The following CCSER1 variants were observed in gnomAD, a reference collection of about 807,000 sequenced individuals.
CCSER1 encodes coiled-coil serine rich protein 1.
Under a neutral mutation model 82.0 loss-of-function variants are expected in CCSER1, and 41 were observed. The ratio of observed to expected loss-of-function variants is 0.50; its 90% CI spans 0.39 to 0.65. The LOEUF (loss-of-function observed/expected upper bound fraction) is 0.65. Among genes scored for constraint, CCSER1 ranks in the 30% least tolerant of loss-of-function variants. CCSER1 has a pLI of 0.00. For synonymous variants in CCSER1, 414 were observed against 383.9 expected (o/e 1.08, Z -0.92); for missense variants, 1,119 against 1,064.2 (o/e 1.05, Z -0.72).
chr4:91,156,794 T>G (rs957023712), intron 10 of CCSER1, among the ~76,000 whole-genome samples: 1 of 151,942 alleles, frequency 6.6e-6, no homozygotes, highest in South Asian at 2.1e-4. Flanking sequence ...GTTTCTTCAC[T>G]TATGCCCTAG....
chr4:90,640,011 C>T (rs958064210), intron 6 of CCSER1, among the ~76,000 whole-genome samples: 20 of 151,780 alleles, frequency 1.3e-4, no homozygotes, highest in African/African-American at 4.8e-4. Context: ...AGGAAGAACA[C>T]TAAGAGCATA....
intron 5 of CCSER1, among the ~76,000 whole-genome samples, chr4:90,593,715 A>C (rs1332372618): frequency 6.6e-6 from 1 of 151,888 alleles, no homozygotes; most frequent in Admixed American, 6.6e-5. Context: ...TTATATTCAT[A>C]TTGCCTTCCT....
intron 5 of CCSER1, among the ~76,000 whole-genome samples, chr4:90,589,052 C>T (rs1489355865): frequency 6.6e-6 from 1 of 152,042 alleles, no homozygotes; most frequent in African/African-American, 2.4e-5. Context: ...TGATTACAAT[C>T]TAATATGGAT....
intron 4 of CCSER1, among the ~76,000 whole-genome samples, chr4:90,463,990 A>C (rs1763303667): frequency 1.3e-5 from 2 of 152,190 alleles, no homozygotes; most frequent in South Asian, 4.1e-4. Flanking sequence ...GATGTAGTCA[A>C]ACTGGAGAAA....
At chr4:91,186,261 T>C (rs1438010607) in intron 10 of CCSER1, among the ~76,000 whole-genome samples, 2 of 152,122 alleles carry the variant, frequency 1.3e-5, no homozygotes, top group East Asian at 1.9e-4. Flanking sequence ...TAAATAAACA[T>C]GCTCTGTAAC....
chr4:90,534,254 C>A (rs1026546521), intron 5 of CCSER1, among the ~76,000 whole-genome samples: 3 of 152,140 alleles, frequency 2.0e-5, no homozygotes, highest in African/African-American at 4.8e-5. Context: ...CTCAGCCTCC[C>A]GAGTAGCTGG....
chr4:90,425,586 G>T (rs1757411010), intron 4 of CCSER1, among the ~76,000 whole-genome samples: 1 of 152,118 alleles, frequency 6.6e-6, no homozygotes, highest in Non-Finnish European at 1.5e-5. Context: ...TTTCCCAAAT[G>T]GATTTTCATA....
At chr4:90,867,404 T>A (rs997038466) in intron 8 of CCSER1, among the ~76,000 whole-genome samples, 1 of 152,094 alleles carries the variant, frequency 6.6e-6, no homozygotes, top group Non-Finnish European at 1.5e-5. Flanking sequence ...TTTTAAAAAT[T>A]TCTGGATACG....
At chr4:91,458,942 T>A (rs1332997006) in intron 10 of CCSER1, among the ~76,000 whole-genome samples, 1 of 152,116 alleles carries the variant, frequency 6.6e-6, no homozygotes. Context: ...TTTTGATGAA[T>A]CCTTTAGGTT....
Position 90,970,913 on chromosome 4 carries a change from GA to G in CCSER1, c.2172+47474del, listed in dbSNP as rs890953084. On this transcript the variant is annotated intron_variant, in intron 9 of 10. Transcript: ENST00000509176. ...CCAACATTTAGGACATGAATACAGTGAAAAAAAATTACTAAAAGAAATTTTA... is the reference window on the plus strand; with the variant it reads ...CCAACATTTAGGACATGAATACAGTGAAAAAAATTACTAAAAGAAATTTTA... 1.2e-3 allele frequency among the ~76,000 whole-genome samples: 187 copies of G among 151,230 alleles called. 2 individuals carry two copies. The highest frequency in any genetic ancestry group is 4.4e-3 in the African/African-American group (182 of 41,182).
intron 7 of CCSER1, among the ~76,000 whole-genome samples, chr4:90,812,950 G>A (rs1219417921): frequency 6.6e-6 from 1 of 152,102 alleles, no homozygotes; most frequent in Non-Finnish European, 1.5e-5. Context: ...GATGAGATTT[G>A]GGTGGGATCA....
chr4:91,377,858 T>C (rs973830172), intron 10 of CCSER1, among the ~76,000 whole-genome samples: 20 of 152,226 alleles, frequency 1.3e-4, no homozygotes, highest in African/African-American at 4.8e-4. Flanking sequence ...GCCTAGGTTT[T>C]CTTCTAGGGT....
chr4:90,758,051 GC>G (rs1749834412), intron 7 of CCSER1, among the ~76,000 whole-genome samples: 1 of 150,670 alleles, frequency 6.6e-6, no homozygotes, highest in East Asian at 2.0e-4. Context: ...CGATTCTCCT[GC>G]CTCAGCCTCC....
intron 6 of CCSER1, among the ~76,000 whole-genome samples, chr4:90,715,046 T>G (rs1414854070): frequency 6.6e-6 from 1 of 152,024 alleles, no homozygotes; most frequent in Non-Finnish European, 1.5e-5. Flanking sequence ...TAGCATCTTT[T>G]GAGAGGATCC....
At chr4:90,485,397 G>C (rs1370653550) in intron 5 of CCSER1, among the ~76,000 whole-genome samples, 1 of 152,058 alleles carries the variant, frequency 6.6e-6, no homozygotes, top group Non-Finnish European at 1.5e-5. Flanking sequence ...CCCACTGTCT[G>C]GCACTCCCCC....
intron 7 of CCSER1, among the ~76,000 whole-genome samples, chr4:90,734,146 G>A (rs1486814456): frequency 6.6e-6 from 1 of 151,168 alleles, no homozygotes; most frequent in Non-Finnish European, 1.5e-5. Flanking sequence ...TTTATTTTGA[G>A]ATGGAATCTC....
chr4:91,457,405 G>A (rs1396227883), intron 10 of CCSER1, among the ~76,000 whole-genome samples: 1 of 151,968 alleles, frequency 6.6e-6, no homozygotes, highest in Non-Finnish European at 1.5e-5. Flanking sequence ...GGTGGCTCAT[G>A]CCTGTACTCC....
chr4:90,405,737 A>C (rs912446925), intron 4 of CCSER1, among the ~76,000 whole-genome samples: 1 of 152,218 alleles, frequency 6.6e-6, no homozygotes, highest in Non-Finnish European at 1.5e-5. Context: ...ATTATCAGAC[A>C]AGAATTTTGT....
chr4:90,765,650 A>G (rs919918276), intron 7 of CCSER1, among the ~76,000 whole-genome samples: 1 of 152,066 alleles, frequency 6.6e-6, no homozygotes, highest in African/African-American at 2.4e-5. Context: ...CAGGGTTGCA[A>G]AGTCAATTAA....
Sources: gnomAD v4.1 joint callset for allele counts (sites outside exome capture counted in the v4.1 genomes callset) on GRCh38, gnomAD v4.1.1 for gene constraint, MANE v1.5 for transcripts, NCBI Gene and HGNC (gene_info 2026-07-23, HGNC 2026-07-21) for gene names.